Variants in PCDHA5 observed in about 807,000 individuals in gnomAD.
PCDHA5 encodes protocadherin alpha 5, also known as protocadherin alpha-5.
Under a neutral mutation model 61.6 loss-of-function variants are expected in PCDHA5, and 43 were observed. The observed-to-expected ratio is 0.70, with a 90% CI of 0.55 to 0.90. The LOEUF (loss-of-function observed/expected upper bound fraction) is 0.90, where lower values mean the gene tolerates loss of function less well. Among genes scored for constraint, PCDHA5 ranks in the 40% least tolerant of loss-of-function variants. The pLI is 0.00. For synonymous variants in PCDHA5, 627 were observed against 543.9 expected, an observed-to-expected ratio of 1.15 and a Z score of -2.13; for missense variants, 1,298 against 1,222.7, an observed-to-expected ratio of 1.06 and a Z score of -0.92.
chr5:140,921,777 C>T (rs1434211783), intron 1 of PCDHA5, among the ~76,000 whole-genome samples: 1 of 152,030 alleles, frequency 6.6e-6, no homozygotes, highest in African/African-American at 2.4e-5. Context: ...TCAATACTGA[C>T]TTGGATGTTC....
At position 140,824,119 on chromosome 5, in the gene PCDHA5, A is replaced by G. The variant is rs1343333286; in HGVS notation, c.2344A>G (p.Thr782Ala). Residue 782 changes from threonine (T) to alanine (A), a missense_variant, in exon 1 of 4, where the codon ACA becomes GCA. Coordinates refer to ENST00000529859, the MANE Select transcript of PCDHA5 (RefSeq NM_018908.3). ...SPSLPQGPTSTDNPRQPNPDW... is the reference protein window; with the variant it reads ...SPSLPQGPTSADNPRQPNPDW... Reference sequence around the variant, plus strand: ...AAGCCTTCCTCAGGGTCCCACCTCTACAGACAACGTGAGTTTTCTAATATT... The same window carrying G: ...AAGCCTTCCTCAGGGTCCCACCTCTGCAGACAACGTGAGTTTTCTAATATT... The G allele has an allele frequency of 6.2e-7, 1 of 1,613,878 alleles. No individual in the cohort carries two copies. The highest frequency in any genetic ancestry group is 8.5e-7 in the Non-Finnish European group (1 of 1,179,832).
At chr5:140,849,834 G>C in intron 1 of PCDHA5, 1 of 1,598,606 alleles carries the variant, frequency 6.3e-7, no homozygotes, top group South Asian at 1.1e-5. Flanking sequence ...GGAGGTGGCC[G>C]ACGTGAACGA....
Position 140,900,863 on chromosome 5 carries a change from G to A in PCDHA5, c.2352+76736G>A, listed in dbSNP as rs116648446. 4.1e-3 allele frequency among the ~76,000 whole-genome samples: 626 copies of A among 152,044 alleles called. 2 individuals are homozygous for A. Among genetic ancestry groups the A allele is most frequent in the African/African-American group, 0.014 (595 of 41,452 alleles). Reference sequence around the variant, plus strand: ...AGTTTCCCTTTTTTTCACCTCTCCAGCATTTTTTATTGCCTGTCATTTGGA... The same window carrying A: ...AGTTTCCCTTTTTTTCACCTCTCCAACATTTTTTATTGCCTGTCATTTGGA... On this transcript the variant is annotated intron_variant, in intron 1 of 3. Transcript: ENST00000529859.
At chr5:140,961,646 T>C (rs554070301) in intron 1 of PCDHA5, among the ~76,000 whole-genome samples, 19 of 152,328 alleles carry the variant, frequency 1.2e-4, no homozygotes, top group African/African-American at 4.6e-4. Flanking sequence ...TAAGTCTATG[T>C]GGTTAGTTTG....
At chr5:140,882,944 G>A (rs2059374287) in intron 1 of PCDHA5, 2 of 1,614,088 alleles carry the variant, frequency 1.2e-6, no homozygotes, top group Non-Finnish European at 8.5e-7. Flanking sequence ...GACTGGCACA[G>A]TTCAGCTGCT....
intron 2 of PCDHA5, among the ~76,000 whole-genome samples, chr5:140,980,855 C>T (rs1313101029): frequency 2.6e-5 from 4 of 151,960 alleles, no homozygotes; most frequent in South Asian, 2.1e-4. Flanking sequence ...TAATCTTTTT[C>T]GTATGTGTGC....
At chr5:140,836,055 G>T in intron 1 of PCDHA5, 1 of 1,613,604 alleles carries the variant, frequency 6.2e-7, no homozygotes, top group Non-Finnish European at 8.5e-7. Context: ...CGTGCTGGAC[G>T]AGAACGACAA....
At chr5:140,989,041 A>G (rs531223216) in intron 3 of PCDHA5, 1 of 152,340 alleles carries the variant, frequency 6.6e-6, no homozygotes, top group Admixed American at 6.5e-5. Flanking sequence ...GATTCCTTTA[A>G]TATGCCAGCT....
intron 1 of PCDHA5, among the ~76,000 whole-genome samples, chr5:140,906,204 C>A (rs2072457750): frequency 6.6e-6 from 1 of 152,192 alleles, no homozygotes. Context: ...AGTTGACACT[C>A]AGTATTAACC....
chr5:140,951,793 C>G (rs536005204), intron 1 of PCDHA5, among the ~76,000 whole-genome samples: 1 of 152,126 alleles, frequency 6.6e-6, no homozygotes, highest in African/African-American at 2.4e-5. Flanking sequence ...ATACAATTAT[C>G]CCTTCCCAAT....
At chr5:140,877,490 G>T (rs2057160256) in intron 1 of PCDHA5, 2 of 1,613,718 alleles carry the variant, frequency 1.2e-6, no homozygotes, top group Non-Finnish European at 1.7e-6. Flanking sequence ...GTGGAGAACG[G>T]CCAGGCCCCA....
chr5:140,924,901 A>AAT (rs145282866), intron 1 of PCDHA5, among the ~76,000 whole-genome samples: 9,116 of 79,802 alleles, frequency 0.11, 381 homozygotes, highest in Middle Eastern at 0.21. Context: ...TCTCAAAAAA[A>AAT]AAAATAAAAT....
At chr5:140,869,631 G>A in intron 1 of PCDHA5, 1 of 1,613,652 alleles carries the variant, frequency 6.2e-7, no homozygotes, top group Non-Finnish European at 8.5e-7. Context: ...GTAAAAATGA[G>A]TATTTTTCTT....
chr5:140,894,827 T>G (rs2064691411), intron 1 of PCDHA5, among the ~76,000 whole-genome samples: 1 of 152,192 alleles, frequency 6.6e-6, no homozygotes, highest in South Asian at 2.1e-4. Flanking sequence ...TTGCCCATAA[T>G]CCTTTTCTTA....
At chr5:140,870,925 T>A (rs1554164841) in intron 1 of PCDHA5, 1 of 1,613,916 alleles carries the variant, frequency 6.2e-7, no homozygotes, top group South Asian at 1.1e-5. Flanking sequence ...GTGGCTTTCA[T>A]ATGAATTGCA....
At chr5:140,883,342 C>T in intron 1 of PCDHA5, 1 of 1,614,154 alleles carries the variant, frequency 6.2e-7, no homozygotes, top group Non-Finnish European at 8.5e-7. Flanking sequence ...TGTCACTCCC[C>T]ATCAGAGAAG....
chr5:140,998,646 C>A (rs1413467899), intron 3 of PCDHA5, among the ~76,000 whole-genome samples: 1 of 151,870 alleles, frequency 6.6e-6, no homozygotes, highest in Non-Finnish European at 1.5e-5. Context: ...CTCACTGCAA[C>A]CTCTGCCTCC....
intron 1 of PCDHA5, chr5:140,966,752 C>T (rs1013247328): frequency 3.5e-6 from 5 of 1,432,026 alleles, no homozygotes; most frequent in Non-Finnish European, 4.6e-6. Flanking sequence ...GCTGCCTCCG[C>T]CGCGGCCAGT....
At chr5:140,850,157 C>T (rs2150470014) in intron 1 of PCDHA5, 2 of 1,594,994 alleles carry the variant, frequency 1.3e-6, no homozygotes, top group African/African-American at 1.3e-5. Flanking sequence ...TGCAGGTGTT[C>T]GTGCTGGACG....
Sources: gnomAD v4.1 joint callset for allele counts (sites outside exome capture counted in the v4.1 genomes callset) on GRCh38, gnomAD v4.1.1 for gene constraint, MANE v1.5 for transcripts, NCBI Gene and HGNC (gene_info 2026-07-23, HGNC 2026-07-21) for gene names.